TAB2: variants seen among roughly 807,000 people sequenced by gnomAD.
The protein encoded by TAB2 is TGF-beta activated kinase 1 (MAP3K7) binding protein 2, also known as TGF-beta-activated kinase 1 and MAP3K7-binding protein 2.
TAB2 carries 3 observed loss-of-function variants against 65.0 expected under a neutral mutation model. The ratio of observed to expected loss-of-function variants is 0.05; its 90% CI spans 0.02 to 0.12. The LOEUF is 0.12. Among genes scored for constraint, TAB2 ranks in the 10% least tolerant of loss-of-function variants. The pLI is 1.00. For missense variants in TAB2, 623 were observed against 840.3 expected (o/e 0.74, Z 3.20); for synonymous variants, 298 against 285.1 (o/e 1.05, Z -0.46).
At chr6:149,271,721 G>A (rs143760076) in intron 1 of TAB2, among the ~76,000 whole-genome samples, 76 of 152,256 alleles carry the variant, frequency 5.0e-4, no homozygotes, top group Middle Eastern at 3.4e-3. Flanking sequence ...CTACGTAGGG[G>A]ATCACATAGC....
chr6:149,277,005 T>C (rs578158114), intron 1 of TAB2, among the ~76,000 whole-genome samples: 1 of 152,330 alleles, frequency 6.6e-6, no homozygotes, highest in East Asian at 1.9e-4. Context: ...CTGATTATTT[T>C]ATAAAGGGTT....
chr6:149,254,053 G>A (rs932347574), intron 1 of TAB2, among the ~76,000 whole-genome samples: 8 of 131,660 alleles, frequency 6.1e-5, no homozygotes, highest in Middle Eastern at 7.8e-3. Context: ...GAAAGAGGGA[G>A]AGAGGGAGGA....
chr6:149,325,284 C>T (rs1045073924), intron 1 of TAB2, among the ~76,000 whole-genome samples: 5 of 152,142 alleles, frequency 3.3e-5, no homozygotes, highest in African/African-American at 1.2e-4. Flanking sequence ...TTACATAGAA[C>T]AGGTGAATTC....
At chr6:149,389,917 G>T (rs1349160209) in intron 3 of TAB2, among the ~76,000 whole-genome samples, 1 of 152,112 alleles carries the variant, frequency 6.6e-6, no homozygotes, top group East Asian at 1.9e-4. Flanking sequence ...CTCTTAGTAG[G>T]TTCTTAAAAA....
chr6:149,378,231 A>G lies in TAB2; in HGVS notation c.316A>G (p.Ser106Gly), dbSNP rs1480572900. The change falls in exon 3 of 7, where the codon AGC becomes GGC. Residue 106 changes from serine to glycine, a missense_variant. Coordinates refer to ENST00000637181, the MANE Select transcript of TAB2 (RefSeq NM_001292034.3). ...RMNGSRTLTH[S>G]ISDGQLQGGQ... ...GAATGGAAGTAGGACTCTAACGCAC[A>G]GCATTAGTGATGGACAACTTCAAGG... The G allele has an allele frequency of 3.1e-6, 5 of 1,613,932 alleles. No individual in the cohort carries two copies. Among genetic ancestry groups the G allele is most frequent in the Non-Finnish European group, 4.2e-6 (5 of 1,179,872 alleles).
chr6:149,325,311 A>G (rs1779567871), intron 1 of TAB2, among the ~76,000 whole-genome samples: 1 of 152,206 alleles, frequency 6.6e-6, no homozygotes, highest in South Asian at 2.1e-4. Flanking sequence ...TAGTTACATT[A>G]GGATATGTAG....
intron 1 of TAB2, among the ~76,000 whole-genome samples, chr6:149,297,102 CCT>C (rs1157689467): frequency 1.3e-5 from 2 of 151,612 alleles, no homozygotes; most frequent in Admixed American, 1.3e-4. Flanking sequence ...TCCTTCCTTC[CCT>C]CTCTTCTTCT....
intron 1 of TAB2, among the ~76,000 whole-genome samples, chr6:149,296,967 T>C (rs555309): frequency 0.33 from 49,982 of 152,008 alleles, 8,289 homozygotes; most frequent in East Asian, 0.41. Flanking sequence ...TCAGAGAAGC[T>C]TCAAGAATAA....
At chr6:149,259,969 G>A (rs534550800) in intron 1 of TAB2, among the ~76,000 whole-genome samples, 8 of 152,226 alleles carry the variant, frequency 5.3e-5, no homozygotes, top group Non-Finnish European at 1.5e-5. Context: ...AAATACATGT[G>A]AGTAATATAA....
chr6:149,408,807 T>C (rs1782748933), intron 6 of TAB2, among the ~76,000 whole-genome samples: 1 of 152,170 alleles, frequency 6.6e-6, no homozygotes, highest in African/African-American at 2.4e-5. Flanking sequence ...CATATAAACA[T>C]TCTAGAACAT....
At chr6:149,402,889 C>T (rs1298750967) in intron 6 of TAB2, among the ~76,000 whole-genome samples, 1 of 152,112 alleles carries the variant, frequency 6.6e-6, no homozygotes, top group Non-Finnish European at 1.5e-5. Flanking sequence ...ACCATGTAGT[C>T]ATCTTAATAG....
chr6:149,256,689 G>T (rs1778043173), intron 1 of TAB2, among the ~76,000 whole-genome samples: 1 of 152,180 alleles, frequency 6.6e-6, no homozygotes, highest in African/African-American at 2.4e-5. Context: ...ACCCAGTACA[G>T]TTCCTGCATT....
upstream of TAB2, among the ~76,000 whole-genome samples, chr6:149,313,680 C>G (rs1779203059): frequency 6.6e-6 from 1 of 152,148 alleles, no homozygotes; most frequent in Admixed American, 6.5e-5. Context: ...CTCTTGTTCC[C>G]TAGTCATTTG....
At chr6:149,303,330 T>C (rs1283720094) in intron 1 of TAB2, among the ~76,000 whole-genome samples, 2 of 152,206 alleles carry the variant, frequency 1.3e-5, no homozygotes, top group African/African-American at 4.8e-5. Context: ...AAAACTGTCT[T>C]CCACAAAACC....
intron 1 of TAB2, among the ~76,000 whole-genome samples, chr6:149,349,980 A>G (rs7752555): frequency 0.44 from 66,242 of 151,856 alleles, 15,073 homozygotes; most frequent in Middle Eastern, 0.58. Context: ...CGCCGAGGCA[A>G]GAGTGCAGTG....
upstream of TAB2, among the ~76,000 whole-genome samples, chr6:149,316,548 A>C (rs1344553633): frequency 6.6e-6 from 1 of 152,206 alleles, no homozygotes; most frequent in Non-Finnish European, 1.5e-5. Flanking sequence ...AAAATGCCCT[A>C]GTGTTTTGGA....
At chr6:149,331,828 T>G (rs1368459287) in intron 1 of TAB2, among the ~76,000 whole-genome samples, 1 of 152,200 alleles carries the variant, frequency 6.6e-6, no homozygotes, top group African/African-American at 2.4e-5. Flanking sequence ...TAGTGGTTAC[T>G]TACCTTTTTA....
chr6:149,293,157 C>G (rs9498296), intron 1 of TAB2, among the ~76,000 whole-genome samples: 7,920 of 152,184 alleles, frequency 0.052, 659 homozygotes, highest in African/African-American at 0.18. Context: ...TAGAAAACTT[C>G]TGATTTCTTC....
chr6:149,280,426 A>G (rs1778552428), intron 1 of TAB2, among the ~76,000 whole-genome samples: 1 of 152,152 alleles, frequency 6.6e-6, no homozygotes, highest in Admixed American at 6.6e-5. Context: ...TTCAAAGCCC[A>G]TTTTATTTCC....
Sources: allele counts gnomAD v4.1 joint callset (sites outside exome capture counted in the v4.1 genomes callset), GRCh38; gene constraint gnomAD v4.1.1; transcripts MANE v1.5; gene names NCBI Gene and HGNC (gene_info 2026-07-23, HGNC 2026-07-21).